TEAD4: variants seen among roughly 807,000 people sequenced by gnomAD.
The protein encoded by TEAD4 is TEA domain transcription factor 4, also known as transcriptional enhancer factor TEF-3.
A neutral mutation model predicts 52.4 loss-of-function variants in TEAD4; 36 were observed. The ratio of observed to expected loss-of-function variants is 0.69; its 90% CI spans 0.53 to 0.91. The LOEUF (loss-of-function observed/expected upper bound fraction) is 0.91, where lower values mean the gene tolerates loss of function less well. TEAD4 is among the 40% of genes least tolerant of loss of function. The probability of loss-of-function intolerance (pLI) is 0.00; values close to 1 mark genes in which losing one functional copy is unlikely to be tolerated. For missense variants in TEAD4, 508 were observed against 583.9 expected, an observed-to-expected ratio of 0.87 and a Z score of 1.34; for synonymous variants, 220 against 231.0, an observed-to-expected ratio of 0.95 and a Z score of 0.43.
At chr12:3,031,012 C>T (rs1190788423) in intron 10 of TEAD4, among the ~76,000 whole-genome samples, 3 of 152,212 alleles carry the variant, frequency 2.0e-5, no homozygotes, top group East Asian at 1.9e-4. Context: ...ACGCATGTGC[C>T]TCCTGAGGAC....
chr12:3,007,534 C>T (rs2098256919), intron 3 of TEAD4, among the ~76,000 whole-genome samples: 1 of 152,270 alleles, frequency 6.6e-6, no homozygotes, highest in South Asian at 2.1e-4. Flanking sequence ...CGCGTTAGGA[C>T]CCAGCACTTA....
intron 3 of TEAD4, among the ~76,000 whole-genome samples, chr12:2,995,642 A>G (rs1024037294): frequency 6.6e-6 from 1 of 152,214 alleles, no homozygotes; most frequent in African/African-American, 2.4e-5. Flanking sequence ...TCAGCGATGC[A>G]TGGGAAGGAC....
intron 2 of TEAD4, among the ~76,000 whole-genome samples, chr12:2,993,346 A>T (rs1212909774): frequency 6.6e-6 from 1 of 152,162 alleles, no homozygotes; most frequent in Non-Finnish European, 1.5e-5. Context: ...TGTAAAAAAA[A>T]TTTTTAGTAG....
chr12:3,019,186 G>A lies in TEAD4; in HGVS notation c.583+16G>A, dbSNP rs747539990. 6.2e-6 allele frequency: 10 copies of A among 1,613,258 alleles called. No individual in the cohort carries two copies. The highest frequency in any genetic ancestry group is 2.7e-5 in the African/African-American group (2 of 74,918). Reference sequence around the variant, plus strand: ...CCTCTGCCAGGTGGGTGGGCGCTGCGTGGCCCCCTTTCTATCGCAGCCATG... The same window carrying A: ...CCTCTGCCAGGTGGGTGGGCGCTGCATGGCCCCCTTTCTATCGCAGCCATG... On this transcript the variant is annotated intron_variant, in intron 8 of 12. Transcript: ENST00000359864.
At chr12:3,018,975 G>T in intron 7 of TEAD4, 140 bp from the exon 8 acceptor site, 1 of 1,014,188 alleles carries the variant, frequency 9.9e-7, no homozygotes, top group Non-Finnish European at 1.5e-6. Flanking sequence ...CGGCAGGGGC[G>T]GGAGTAGGAG....
intron 2 of TEAD4, among the ~76,000 whole-genome samples, chr12:2,972,513 T>G (rs2153952888): frequency 6.8e-6 from 1 of 147,984 alleles, no homozygotes; most frequent in Non-Finnish European, 1.5e-5. Context: ...TTTTTTTTTT[T>G]TTTGAGACAG....
At chr12:2,980,506 G>T (rs1048979060) in intron 2 of TEAD4, among the ~76,000 whole-genome samples, 25 of 152,130 alleles carry the variant, frequency 1.6e-4, no homozygotes, top group Non-Finnish European at 2.8e-4. Flanking sequence ...GCCGAGACGG[G>T]CGGATCACTT....
chr12:2,996,653 G>T (rs910128809), intron 3 of TEAD4, among the ~76,000 whole-genome samples: 1 of 152,070 alleles, frequency 6.6e-6, no homozygotes, highest in African/African-American at 2.4e-5. Context: ...CAGGTGATCC[G>T]CCCACCTTGG....
At chr12:3,015,257 C>G (rs572146927) in intron 5 of TEAD4, among the ~76,000 whole-genome samples, 86 of 152,318 alleles carry the variant, frequency 5.6e-4, no homozygotes, top group African/African-American at 2.0e-3. Context: ...TGCATGGCCC[C>G]CCGTGTGCCA....
At chr12:3,017,557 G>C in intron 6 of TEAD4, 31 bp downstream of exon 6, 1 of 1,597,358 alleles carries the variant, frequency 6.3e-7, no homozygotes, top group Non-Finnish European at 8.5e-7. Context: ...TGGAGGCCAG[G>C]CCAGCCCTCT....
chr12:2,973,836 G>A (rs999644327), intron 2 of TEAD4, among the ~76,000 whole-genome samples: 1 of 152,056 alleles, frequency 6.6e-6, no homozygotes, highest in Admixed American at 6.6e-5. Context: ...CCGGATGATC[G>A]TGCCTTCTGG....
chr12:3,030,882 T>C (rs145871872), intron 10 of TEAD4, among the ~76,000 whole-genome samples: 98 of 152,278 alleles, frequency 6.4e-4, no homozygotes, highest in African/African-American at 2.3e-3. Context: ...CCTTAAGCGA[T>C]GAGGAGTCAT....
chr12:2,969,044 C>T (rs1200826776), intron 2 of TEAD4, among the ~76,000 whole-genome samples: 1 of 152,114 alleles, frequency 6.6e-6, no homozygotes, highest in African/African-American at 2.4e-5. Context: ...AGGTAGGCAC[C>T]CTTTACAGCA....
chr12:3,011,154 C>A, intron 4 of TEAD4, 86 bp downstream of exon 4: 3 of 1,427,056 alleles, frequency 2.1e-6, no homozygotes, highest in South Asian at 1.2e-5. Context: ...CTCCCAGGAC[C>A]AGACGCAGGC....
chr12:2,986,860 G>GT (rs1393084976), intron 2 of TEAD4, among the ~76,000 whole-genome samples: 3 of 152,118 alleles, frequency 2.0e-5, no homozygotes, highest in African/African-American at 7.2e-5. Context: ...CACTGCCATG[G>GT]TAGGATGGCT....
chr12:2,964,360 C>T (rs1464695745), intron 2 of TEAD4, among the ~76,000 whole-genome samples: 1 of 152,108 alleles, frequency 6.6e-6, no homozygotes, highest in African/African-American at 2.4e-5. Flanking sequence ...GAGCCTTGGG[C>T]AGTTGTGGCT....
At chr12:2,982,634 G>A (rs918245162) in intron 2 of TEAD4, among the ~76,000 whole-genome samples, 5 of 152,154 alleles carry the variant, frequency 3.3e-5, no homozygotes, top group Non-Finnish European at 4.4e-5. Flanking sequence ...TGTGGGCCGC[G>A]GGCAGATAGG....
At chr12:3,027,183 G>A (rs2098272606) in intron 10 of TEAD4, among the ~76,000 whole-genome samples, 1 of 152,062 alleles carries the variant, frequency 6.6e-6, no homozygotes, top group African/African-American at 2.4e-5. Flanking sequence ...GTAGAGAGAG[G>A]GGTTTCGCTA....
At chr12:2,966,760 A>G (rs1047887381) in intron 2 of TEAD4, among the ~76,000 whole-genome samples, 4 of 139,544 alleles carry the variant, frequency 2.9e-5, no homozygotes, top group African/African-American at 5.4e-5. Flanking sequence ...AGGCCGGAGT[A>G]CAGTGGTGCG....
Sources: gnomAD v4.1 joint callset for allele counts (sites outside exome capture counted in the v4.1 genomes callset) on GRCh38, gnomAD v4.1.1 for gene constraint, MANE v1.5 for transcripts, NCBI Gene and HGNC (gene_info 2026-07-23, HGNC 2026-07-21) for gene names.